The following ARSL variants were observed in gnomAD, a reference collection of about 807,000 sequenced individuals.
ARSL encodes the protein arylsulfatase E (chondrodysplasia punctata 1).
ARSL carries 4 observed loss-of-function variants against 31.1 expected under a neutral mutation model. The observed-to-expected ratio is 0.13, with a 90% CI of 0.06 to 0.29. The LOEUF (loss-of-function observed/expected upper bound fraction) is 0.29. Ranked by LOEUF, ARSL falls within the 10% of genes least tolerant of loss-of-function variation. The probability of loss-of-function intolerance (pLI) is 1.00; values close to 1 mark genes in which losing one functional copy is unlikely to be tolerated. For missense variants in ARSL, 312 were observed against 497.8 expected, an observed-to-expected ratio of 0.63 and a Z score of 3.55; for synonymous variants, 198 against 209.9, an observed-to-expected ratio of 0.94 and a Z score of 0.49.
At chrX:2,958,528 T>C in intron 2 of ARSL, 93 bp from the exon 3 acceptor site, 1 of 984,171 alleles carries the variant, frequency 1.0e-6, no homozygotes, top group East Asian at 3.2e-5. Context: ...GTATTGATAT[T>C]ATCATCACAT....
At chrX:2,951,705 G>A (rs1216862885) in intron 5 of ARSL, among the ~76,000 whole-genome samples, 1 of 106,673 alleles carries the variant, frequency 9.4e-6, no homozygotes, top group African/African-American at 3.4e-5. Context: ...GGAGACTAAG[G>A]TGGGAGGATC....
chrX:2,944,215 G>A (rs1168448734), intron 7 of ARSL, among the ~76,000 whole-genome samples: 1 of 108,919 alleles, frequency 9.2e-6, no homozygotes, highest in African/African-American at 3.4e-5. Context: ...CAGCACTTTG[G>A]GAGGCTGAGG....
chrX:2,964,644 C>T (rs754571582), upstream of ARSL: 1 of 153,572 alleles, frequency 6.5e-6, no homozygotes, highest in Non-Finnish European at 1.1e-5. Flanking sequence ...AAGTGATTGC[C>T]TGTGCTGTTA....
At chrX:2,935,236 T>G in intron 10 of ARSL, 46 bp from the exon 11 acceptor site, 1 of 1,172,275 alleles carries the variant, frequency 8.5e-7, no homozygotes, top group Non-Finnish European at 1.2e-6. Flanking sequence ...AGAAATAGGG[T>G]GCCTTGCTGG....
At chrX:2,952,938 T>G in intron 5 of ARSL, 5 of 370,917 alleles carry the variant, frequency 1.3e-5, no homozygotes, top group Non-Finnish European at 1.8e-5. Context: ...ATTATAGGCA[T>G]GAGCCACCTT....
intron 7 of ARSL, among the ~76,000 whole-genome samples, chrX:2,945,202 G>C (rs986543885): frequency 1.8e-5 from 2 of 111,110 alleles, no homozygotes; most frequent in African/African-American, 6.6e-5. Flanking sequence ...GGAACAGCAG[G>C]TGTGGAAGCC....
At chrX:2,957,633 G>A (rs1424813100) in intron 3 of ARSL, among the ~76,000 whole-genome samples, 8 of 106,908 alleles carry the variant, frequency 7.5e-5, no homozygotes, top group African/African-American at 1.7e-4. Context: ...CACTGGAATC[G>A]CAGAGGCGGA....
chrX:2,934,551 G>A lies in ARSL; in HGVS notation c.*281C>T, dbSNP rs1351336120. 3.1e-6 allele frequency: 1 copy of A among 322,654 alleles called. No homozygotes were observed. Among genetic ancestry groups the A allele is most frequent in the Admixed American group, 5.5e-5 (1 of 18,213 alleles). 26.6% of individuals were successfully genotyped at this position (322,654 alleles called of 1,213,427 possible). ...GGTGCAGTGGTACAATCATAGCTCA[G>A]TACAGCCTCCAACTCCGGTGCTCAA... On this transcript the variant is annotated 3_prime_UTR_variant, in exon 11 of 11. Coordinates refer to ENST00000381134, the MANE Select transcript of ARSL (RefSeq NM_000047.3).
At chrX:2,966,567 G>T (rs1244609856), upstream of ARSL, among the ~76,000 whole-genome samples, 1 of 105,688 alleles carries the variant, frequency 9.5e-6, no homozygotes, top group Non-Finnish European at 1.9e-5. Context: ...CTTGAGCCCA[G>T]GAGTTCAAGT....
Position 2,947,463 on chromosome X carries a change from G to T in ARSL, c.855-1329C>A, listed in dbSNP as rs183409473. Among the ~76,000 whole-genome samples the T allele has an allele frequency of 5.3e-3, 601 of 112,469 alleles. 2 individuals are homozygous for T. Among genetic ancestry groups the T allele is most frequent in the Middle Eastern group, 9.2e-3 (2 of 218 alleles). The stretch of plus-strand genomic sequence containing the variant: ...GTTATAAAAAACACACTTTACAAAT[G>T]AGGCATATTGGGTTATTCATATTAT... On this transcript the variant is annotated intron_variant, in intron 6 of 10. Coordinates refer to ENST00000381134, the MANE Select transcript of ARSL (RefSeq NM_000047.3).
intron 9 of ARSL, among the ~76,000 whole-genome samples, chrX:2,937,582 A>C (rs2089220744): frequency 9.0e-6 from 1 of 110,531 alleles, no homozygotes; most frequent in African/African-American, 3.3e-5. Flanking sequence ...GGAACTCCCC[A>C]GACCTCCACA....
chrX:2,946,505 A>ATTTTTTT (rs139364080), intron 6 of ARSL, among the ~76,000 whole-genome samples: 2 of 45,516 alleles, frequency 4.4e-5, no homozygotes, highest in African/African-American at 8.5e-5. Context: ...GGCCCAGCTA[A>ATTTTTTT]TTTTTTTTTT....
intron 8 of ARSL, among the ~76,000 whole-genome samples, chrX:2,942,444 A>G (rs1013308192): frequency 5.4e-5 from 6 of 110,959 alleles, no homozygotes; most frequent in Non-Finnish European, 1.1e-4. Flanking sequence ...GGCGTGTGCC[A>G]CCATGCCCGG....
At chrX:2,936,666 T>A (rs1186401652) in intron 10 of ARSL, 76 bp downstream of exon 10, 4 of 1,162,674 alleles carry the variant, frequency 3.4e-6, no homozygotes, top group Non-Finnish European at 4.7e-6. Context: ...ATCCCTAGCC[T>A]GTTCTAGGGC....
chrX:2,949,103 G>T (rs913766389), intron 6 of ARSL, among the ~76,000 whole-genome samples: 4 of 109,522 alleles, frequency 3.7e-5, no homozygotes, highest in African/African-American at 1.3e-4. Context: ...GCTAATTTTT[G>T]TATTTTTAGT....
chrX:2,945,115 G>A (rs974851399), intron 7 of ARSL, among the ~76,000 whole-genome samples: 25 of 111,007 alleles, frequency 2.3e-4, no homozygotes, highest in Non-Finnish European at 5.7e-5. Context: ...AAGATGATTG[G>A]GGAGGAGCTA....
rs1340230010 is a variant in ARSL, at chrX:2,949,290, C to T, written c.854+14G>A. On this transcript the variant is annotated intron_variant, in intron 6 of 10. Coordinates refer to ENST00000381134, the MANE Select transcript of ARSL (RefSeq NM_000047.3). ...AGCTGAGTGCTTGGAGGAAGCTGACCCTTTTCTGCTGACCTTTTGAGAAAG... is the reference window on the plus strand; with the variant it reads ...AGCTGAGTGCTTGGAGGAAGCTGACTCTTTTCTGCTGACCTTTTGAGAAAG... 1.7e-6 allele frequency: 2 copies of T among 1,211,025 alleles called. No homozygotes were observed. The highest frequency in any genetic ancestry group is 1.8e-5 in the South Asian group (1 of 56,919).
At chrX:2,940,190 C>T (rs2089263023) in intron 8 of ARSL, among the ~76,000 whole-genome samples, 1 of 110,016 alleles carries the variant, frequency 9.1e-6, no homozygotes, top group Non-Finnish European at 1.9e-5. Context: ...GATGCATTGT[C>T]TGAAGGTAAA....
intron 4 of ARSL, among the ~76,000 whole-genome samples, 165 bp downstream of exon 4, chrX:2,955,251 C>T (rs1288768836): frequency 1.8e-5 from 2 of 111,215 alleles, no homozygotes; most frequent in East Asian, 2.8e-4. Flanking sequence ...GGTCAAGGAG[C>T]GGGGATCTTT....
Sources: allele counts gnomAD v4.1 joint callset (sites outside exome capture counted in the v4.1 genomes callset), GRCh38; gene constraint gnomAD v4.1.1; transcripts MANE v1.5; gene names NCBI Gene and HGNC (gene_info 2026-07-23, HGNC 2026-07-21).